The following PTTG1IP2 variants were observed in gnomAD, a reference collection of about 807,000 sequenced individuals.
PTTG1IP2 encodes PTTG1IP family member 2.
intron 6 of PTTG1IP2, among the ~76,000 whole-genome samples, chr7:90,504,653 A>C (rs1011053561): frequency 6.6e-6 from 1 of 152,222 alleles, no homozygotes; most frequent in African/African-American, 2.4e-5. Flanking sequence ...TTAGATGATC[A>C]GAAAGATCAC....
intron 6 of PTTG1IP2, among the ~76,000 whole-genome samples, chr7:90,501,445 G>T (rs931850758): frequency 2.0e-5 from 3 of 152,156 alleles, no homozygotes; most frequent in Admixed American, 6.5e-5. Flanking sequence ...AGGTGAGAGG[G>T]TCACTTGAGA....
chr7:90,487,833 G>T (rs866819538), intron 3 of PTTG1IP2, among the ~76,000 whole-genome samples: 36 of 152,152 alleles, frequency 2.4e-4, no homozygotes, highest in Middle Eastern at 3.4e-3. Context: ...AAGAATGTTT[G>T]TATTCTTATG....
intron 2 of PTTG1IP2, among the ~76,000 whole-genome samples, chr7:90,484,871 T>G (rs1797850986): frequency 6.6e-6 from 1 of 152,230 alleles, no homozygotes. Context: ...ATTGACTTTA[T>G]TTTTCTCTTG....
chr7:90,476,606 A>G (rs1797750132), intron 1 of PTTG1IP2, among the ~76,000 whole-genome samples: 2 of 152,200 alleles, frequency 1.3e-5, no homozygotes, highest in Admixed American at 1.3e-4. Context: ...TACCTTACAA[A>G]TGCTACTGAA....
chr7:90,475,417 A>G (rs1403217826), intron 1 of PTTG1IP2, among the ~76,000 whole-genome samples: 1 of 152,242 alleles, frequency 6.6e-6, no homozygotes, highest in Non-Finnish European at 1.5e-5. Flanking sequence ...ATAGCCATGA[A>G]ACAAGAACAG....
chr7:90,491,297 C>T (rs140181443), intron 4 of PTTG1IP2, among the ~76,000 whole-genome samples: 129 of 152,298 alleles, frequency 8.5e-4, no homozygotes, highest in African/African-American at 3.0e-3. Flanking sequence ...ATCCACTAAG[C>T]AATGTCATTG....
At position 90,480,601 on chromosome 7, in the gene PTTG1IP2, T is replaced by G. The variant is rs112109552; in HGVS notation, c.192+1327T>G. 1.5e-3 allele frequency among the ~76,000 whole-genome samples: 234 copies of G among 152,280 alleles called. 2 individuals carry two copies. Among genetic ancestry groups the G allele is most frequent in the African/African-American group, 4.9e-3 (202 of 41,560 alleles). On this transcript the variant is annotated intron_variant, in intron 2 of 6. Coordinates refer to ENST00000509356, the MANE Select transcript of PTTG1IP2 (RefSeq NM_001365443.2). ...TTTAAGCATATATTTCTAATTGATA[T>G]TTTACTTTAAATATTACAAGTTCAT...
At chr7:90,510,716 G>A (rs942014025) in intron 6 of PTTG1IP2, among the ~76,000 whole-genome samples, 5 of 152,194 alleles carry the variant, frequency 3.3e-5, no homozygotes, top group African/African-American at 1.2e-4. Flanking sequence ...CCACAGGCAG[G>A]CAATGTAAAA....
chr7:90,503,828 A>T (rs972126397), intron 6 of PTTG1IP2, among the ~76,000 whole-genome samples: 1 of 152,232 alleles, frequency 6.6e-6, no homozygotes, highest in Non-Finnish European at 1.5e-5. Flanking sequence ...TATTGTGAGG[A>T]TTACCAAAAT....
chr7:90,484,271 T>G (rs1335427148), intron 2 of PTTG1IP2, among the ~76,000 whole-genome samples: 1 of 152,076 alleles, frequency 6.6e-6, no homozygotes. Flanking sequence ...TGGCATAATA[T>G]TAAGCCATTT....
At chr7:90,478,843 T>A (rs1301998759) in intron 1 of PTTG1IP2, among the ~76,000 whole-genome samples, 1 of 151,426 alleles carries the variant, frequency 6.6e-6, no homozygotes, top group Non-Finnish European at 1.5e-5. Context: ...TTTTTTTTTT[T>A]TACTATTTAA....
intron 6 of PTTG1IP2, among the ~76,000 whole-genome samples, chr7:90,509,773 G>A (rs1798164356): frequency 6.6e-6 from 1 of 152,114 alleles, no homozygotes; most frequent in Non-Finnish European, 1.5e-5. Context: ...CAGGGCAAGT[G>A]GGCTGGGACA....
chr7:90,474,188 T>A (rs1303065419), intron 1 of PTTG1IP2, among the ~76,000 whole-genome samples: 1 of 152,176 alleles, frequency 6.6e-6, no homozygotes, highest in Non-Finnish European at 1.5e-5. Context: ...TGCAGGCAAT[T>A]GTAACACAAT....
chr7:90,480,175 C>G (rs778284509), intron 2 of PTTG1IP2, among the ~76,000 whole-genome samples: 1 of 152,200 alleles, frequency 6.6e-6, no homozygotes, highest in Non-Finnish European at 1.5e-5. Context: ...TAAGACATCA[C>G]TTCTGTGGCA....
intron 6 of PTTG1IP2, among the ~76,000 whole-genome samples, chr7:90,497,563 C>CAAA (rs758753541): frequency 2.5e-4 from 11 of 44,294 alleles, no homozygotes; most frequent in Admixed American, 7.0e-4. Flanking sequence ...GAATCCGTCT[C>CAAA]AAAAAAAAAA....
At chr7:90,499,834 C>T (rs560294956) in intron 6 of PTTG1IP2, among the ~76,000 whole-genome samples, 1 of 152,258 alleles carries the variant, frequency 6.6e-6, no homozygotes, top group Admixed American at 6.5e-5. Context: ...CCGCATGCCT[C>T]AGCCTCCCAA....
At chr7:90,480,944 A>G (rs1797808460) in intron 2 of PTTG1IP2, among the ~76,000 whole-genome samples, 1 of 152,172 alleles carries the variant, frequency 6.6e-6, no homozygotes, top group African/African-American at 2.4e-5. Flanking sequence ...TTAATTTTGG[A>G]CTTTTATCAT....
At chr7:90,475,944 A>G (rs1797743726) in intron 1 of PTTG1IP2, among the ~76,000 whole-genome samples, 1 of 151,946 alleles carries the variant, frequency 6.6e-6, no homozygotes. Context: ...TGTCTCAAAA[A>G]AAAAAAAAAG....
intron 4 of PTTG1IP2, among the ~76,000 whole-genome samples, chr7:90,490,379 C>G (rs1254192042): frequency 6.7e-6 from 1 of 149,818 alleles, no homozygotes; most frequent in African/African-American, 2.5e-5. Flanking sequence ...TATAGGTCAA[C>G]CTGTAAGTAA....
Sources: gnomAD v4.1 joint callset for allele counts (sites outside exome capture counted in the v4.1 genomes callset) on GRCh38, gnomAD v4.1.1 for gene constraint, MANE v1.5 for transcripts, NCBI Gene and HGNC (gene_info 2026-07-23, HGNC 2026-07-21) for gene names.